Variants in FNIP2 observed in about 807,000 individuals in gnomAD.
FNIP2 encodes folliculin interacting protein 2, also known as folliculin-interacting protein 2.
FNIP2 carries 32 observed loss-of-function variants against 108.7 expected under a neutral mutation model. The observed-to-expected ratio is 0.29, with a 90% CI of 0.22 to 0.40. The LOEUF (loss-of-function observed/expected upper bound fraction) is 0.40, where lower values mean the gene tolerates loss of function less well. FNIP2 is among the 10% of genes least tolerant of loss of function. FNIP2 has a pLI of 1.00. For missense variants in FNIP2, 1,202 were observed against 1,381.6 expected, an observed-to-expected ratio of 0.87 and a Z score of 2.06; for synonymous variants, 480 against 496.7, an observed-to-expected ratio of 0.97 and a Z score of 0.45.
At chr4:158,841,405 A>T (rs1309735705) in intron 7 of FNIP2, among the ~76,000 whole-genome samples, 2 of 152,196 alleles carry the variant, frequency 1.3e-5, no homozygotes, top group African/African-American at 4.8e-5. Flanking sequence ...GGAGTTGAAC[A>T]TCAAGAAACA....
chr4:158,886,482 G>A (rs1311064698), intron 14 of FNIP2, among the ~76,000 whole-genome samples: 1 of 152,182 alleles, frequency 6.6e-6, no homozygotes, highest in African/African-American at 2.4e-5. Flanking sequence ...GGAAGGTGCC[G>A]GGCTGGCAGC....
chr4:158,880,094 C>T lies in FNIP2; in HGVS notation c.2949+9625C>T, dbSNP rs1250589217. Among the ~76,000 whole-genome samples, 13 of 150,042 alleles carry T rather than the reference C, an allele frequency of 8.7e-5. 1 individual carries two copies. The highest frequency in any genetic ancestry group is 1.3e-4 in the Non-Finnish European group (9 of 67,742). On this transcript the variant is annotated intron_variant, in intron 14 of 16. Transcript: ENST00000264433. ...TTGACCCAGCCATCGCATTACTGGG[C>T]ATATACCCAAAGGATTATAAATCAT...
intron 14 of FNIP2, chr4:158,871,578 A>C: frequency 1.0e-6 from 1 of 985,290 alleles, no homozygotes; most frequent in Non-Finnish European, 1.2e-6. Context: ...CTCAATGGGG[A>C]GGGCTAAGAG....
chr4:158,844,708 T>G (rs1259368087), intron 7 of FNIP2, among the ~76,000 whole-genome samples: 2 of 152,246 alleles, frequency 1.3e-5, no homozygotes, highest in Non-Finnish European at 2.9e-5. Flanking sequence ...GTTGAGTGAA[T>G]GGATTTGATT....
chr4:158,862,693 T>C (rs1266286866), intron 12 of FNIP2, among the ~76,000 whole-genome samples: 1 of 152,228 alleles, frequency 6.6e-6, no homozygotes, highest in Admixed American at 6.5e-5. Flanking sequence ...ATGGATATGC[T>C]AATTGCCCTG....
chr4:158,821,473 G>A (rs1337031765), intron 1 of FNIP2, among the ~76,000 whole-genome samples: 1 of 152,244 alleles, frequency 6.6e-6, no homozygotes. Flanking sequence ...ACTGTGGTCA[G>A]TGCTCTTGGA....
chr4:158,891,760 G>C, intron 15 of FNIP2, 114 bp downstream of exon 15: 2 of 1,024,612 alleles, frequency 2.0e-6, no homozygotes, highest in Non-Finnish European at 2.8e-6. Flanking sequence ...TTGGAGATTA[G>C]CATAACTAAA....
At chr4:158,837,054 A>C (rs998443101) in intron 7 of FNIP2, among the ~76,000 whole-genome samples, 1 of 152,188 alleles carries the variant, frequency 6.6e-6, no homozygotes, top group Non-Finnish European at 1.5e-5. Flanking sequence ...TACAGAGCTT[A>C]GTGTCCCAAA....
chr4:158,868,244 C>T lies in FNIP2; in HGVS notation c.1608C>T (p.Thr536=), dbSNP rs979445330. ...RCSELQENQL[T]WSGNHGEGDQ... ...CTGAGCTACAAGAGAACCAGCTGAC[C>T]TGGAGTGGCAATCATGGTGAAGGTG... The change falls in exon 13 of 17, where the codon ACC becomes ACT. Residue 536 remains threonine (T), a synonymous_variant. Transcript: ENST00000264433. The surrounding 1 kb of genome is among the most constrained non-coding windows in gnomAD (Gnocchi z 4.6). The T allele has an allele frequency of 1.9e-6, 3 of 1,613,928 alleles. No homozygotes were observed. The highest frequency in any genetic ancestry group is 2.2e-5 in the South Asian group (2 of 91,090).
At chr4:158,774,220 C>G (rs1226710893) in intron 1 of FNIP2, among the ~76,000 whole-genome samples, 1 of 152,140 alleles carries the variant, frequency 6.6e-6, no homozygotes, top group Non-Finnish European at 1.5e-5. Flanking sequence ...AATAGGCCAG[C>G]AACACTCTAC....
rs984409423 is a variant in FNIP2, at chr4:158,906,651, T to C, written c.*2107T>C. ...ACAGGTGGGTCACATGTGGGGGCTGTCTCCGTGACACTCAGGATTCCAGTC... is the reference window on the plus strand; with the variant it reads ...ACAGGTGGGTCACATGTGGGGGCTGCCTCCGTGACACTCAGGATTCCAGTC... On this transcript the variant is annotated 3_prime_UTR_variant, in exon 17 of 17. Transcript: ENST00000264433. The C allele has an allele frequency of 4.6e-5, 7 of 152,236 alleles. No homozygotes were observed. The highest frequency in any genetic ancestry group is 9.6e-5 in the African/African-American group (4 of 41,454). 9.4% of individuals were successfully genotyped at this position (152,236 alleles called of 1,614,324 possible). A position where few individuals can be genotyped will look rare whatever the true frequency, so the allele number is the denominator to read the frequency against.
In FNIP2 at chr4:158,898,998, T is replaced by C. The variant is rs62354046; in HGVS notation, c.3266+3133T>C. On this transcript the variant is annotated intron_variant, in intron 16 of 16. Transcript: ENST00000264433. Reference sequence around the variant, plus strand: ...GTGGGTTTGTCAGAAATAGCTCTTATTATTTTGGGATACGTTCCCTCAATA... The same window carrying C: ...GTGGGTTTGTCAGAAATAGCTCTTACTATTTTGGGATACGTTCCCTCAATA... Among the ~76,000 whole-genome samples, 1,189 of 152,356 alleles carry C rather than the reference T, an allele frequency of 7.8e-3. 36 individuals carry two copies. In the South Asian group the frequency reaches 0.078, roughly 10 times the overall value.
At chr4:158,882,034 C>T (rs889288904) in intron 14 of FNIP2, among the ~76,000 whole-genome samples, 4 of 151,268 alleles carry the variant, frequency 2.6e-5, no homozygotes, top group African/African-American at 9.7e-5. Context: ...TCTGCCCGGC[C>T]GCCCATTGTC....
chr4:158,799,899 T>C (rs977711533), intron 1 of FNIP2, among the ~76,000 whole-genome samples: 2 of 152,210 alleles, frequency 1.3e-5, no homozygotes, highest in East Asian at 3.8e-4. Context: ...AAAAAAGTCA[T>C]GAAAGTCTTT....
chr4:158,896,400 A>G (rs1024307356), intron 16 of FNIP2, among the ~76,000 whole-genome samples: 6 of 152,186 alleles, frequency 3.9e-5, no homozygotes, highest in African/African-American at 1.4e-4. Flanking sequence ...ATCATCCTCC[A>G]GAGGGTATTT....
In FNIP2 at chr4:158,797,569, G is replaced by A. The variant is rs539289295; in HGVS notation, c.107+28250G>A. 3.9e-5 allele frequency among the ~76,000 whole-genome samples: 6 copies of A among 152,234 alleles called. No homozygotes were observed. In the South Asian group the frequency reaches 1.0e-3, roughly 26 times the overall value. ...ACAAACATTAGCCAGGTATGGTGGCGCATGCCTGTAGTCCCAGCTACTCAG... is the reference window on the plus strand; with the variant it reads ...ACAAACATTAGCCAGGTATGGTGGCACATGCCTGTAGTCCCAGCTACTCAG... On this transcript the variant is annotated intron_variant, in intron 1 of 16. Transcript: ENST00000264433.
At chr4:158,772,685 T>A (rs2126398039) in intron 1 of FNIP2, among the ~76,000 whole-genome samples, 1 of 152,294 alleles carries the variant, frequency 6.6e-6, no homozygotes, top group East Asian at 1.9e-4. Context: ...TTTAATCTGT[T>A]ATAGAGTTAG....
Position 158,829,193 on chromosome 4 carries a change from C to T in FNIP2, c.349C>T (p.His117Tyr). The T allele has an allele frequency of 6.2e-7, 1 of 1,612,684 alleles. No individual in the cohort carries two copies. Among genetic ancestry groups the T allele is most frequent in the Non-Finnish European group, 8.5e-7 (1 of 1,179,270 alleles). Residue 117 changes from histidine (H) to tyrosine (Y), a missense_variant, in exon 3 of 17, where the codon CAT becomes TAT. Around this residue, in one of 5 missense-constraint regions of FNIP2, gnomAD observed 173 missense variants for 165.9 expected, o/e 1.04. Transcript: ENST00000264433. Reference sequence around the variant, plus strand: ...CCACAGTTCTTCTGGGGGATCTTCACATCATGCTAAGGAACAGCTTCCAAA... The same window carrying T: ...CCACAGTTCTTCTGGGGGATCTTCATATCATGCTAAGGAACAGCTTCCAAA... ...SSHSSSGGSS[H>Y]HAKEQLPKYQ...
intron 15 of FNIP2, 91 bp downstream of exon 15, chr4:158,891,737 T>G (rs1332253397): frequency 4.1e-6 from 5 of 1,210,494 alleles, no homozygotes; most frequent in Non-Finnish European, 5.8e-6. Context: ...TCAAAAGTAC[T>G]GTTTTAATAT....
Sources: gnomAD v4.1 joint callset for allele counts (sites outside exome capture counted in the v4.1 genomes callset) on GRCh38, gnomAD v4.1.1 for gene constraint, gnomAD v4.1.1 regional missense constraint, Gnocchi (gnomAD v3.1) non-coding constraint, MANE v1.5 for transcripts, NCBI Gene and HGNC (gene_info 2026-07-23, HGNC 2026-07-21) for gene names.